FBXL2: variants seen among roughly 807,000 people sequenced by gnomAD.
FBXL2 encodes the protein F-box/LRR-repeat protein 2.
FBXL2 carries 38 observed loss-of-function variants against 69.2 expected under a neutral mutation model. That is an observed-to-expected ratio of 0.55 (90% CI 0.42 to 0.72). The LOEUF (loss-of-function observed/expected upper bound fraction) is 0.72, where lower values mean the gene tolerates loss of function less well. Ranked by LOEUF, FBXL2 falls within the 30% of genes least tolerant of loss-of-function variation. The probability of loss-of-function intolerance (pLI) is 0.00; values close to 1 mark genes in which losing one functional copy is unlikely to be tolerated. For synonymous variants in FBXL2, 192 were observed against 201.3 expected, an observed-to-expected ratio of 0.95 and a Z score of 0.39; for missense variants, 354 against 520.3, an observed-to-expected ratio of 0.68 and a Z score of 3.11.
chr3:33,389,004 G>T (rs1009430232), downstream of FBXL2: 33 of 152,042 alleles, frequency 2.2e-4, no homozygotes, highest in African/African-American at 7.7e-4. Context: ...TGGAATAGAA[G>T]TTAAAAAAAA....
intron 2 of FBXL2, among the ~76,000 whole-genome samples, chr3:33,318,802 C>T (rs1217122721): frequency 6.6e-6 from 1 of 152,176 alleles, no homozygotes; most frequent in Non-Finnish European, 1.5e-5. Context: ...GCAGGGCAAT[C>T]CTCCTCTCTG....
chr3:33,371,155 T>C (rs2042275871), intron 5 of FBXL2, among the ~76,000 whole-genome samples: 1 of 149,388 alleles, frequency 6.7e-6, no homozygotes, highest in Admixed American at 7.0e-5. Context: ...ATATCAGCCA[T>C]TGTGGTTTTC....
At chr3:33,378,059 C>T in intron 11 of FBXL2, 44 bp from the exon 12 acceptor site, 1 of 1,598,300 alleles carries the variant, frequency 6.3e-7, no homozygotes. Flanking sequence ...TTGTTGCTGT[C>T]ACCACTGACT....
intron 2 of FBXL2, among the ~76,000 whole-genome samples, chr3:33,318,503 G>T (rs2037904541): frequency 6.6e-6 from 1 of 152,040 alleles, no homozygotes; most frequent in Admixed American, 6.6e-5. Flanking sequence ...TGCATTCTTT[G>T]TCTGCTGTCC....
At position 33,359,368 on chromosome 3, in the gene FBXL2, T is replaced by A; in HGVS notation, c.195+11T>A. 6.2e-7 allele frequency: 1 copy of A among 1,606,240 alleles called. No individual in the cohort carries two copies. Among genetic ancestry groups the A allele is most frequent in the Non-Finnish European group, 8.5e-7 (1 of 1,174,924 alleles). ...CAAACAGATGTAGAGGTAAGTTAGC[T>A]TTGGTTTAGACAAAAAACTTTTTAA... On this transcript the variant is annotated intron_variant, in intron 4 of 14. Transcript: ENST00000484457.
chr3:33,412,658 A>C, the FBXL2 span: 1 of 1,076,810 alleles, frequency 9.3e-7, no homozygotes, highest in Non-Finnish European at 1.4e-6. Flanking sequence ...TGCCAACACA[A>C]CACATTACTG....
At chr3:33,343,705 T>A (rs917642945) in intron 2 of FBXL2, among the ~76,000 whole-genome samples, 5 of 152,100 alleles carry the variant, frequency 3.3e-5, no homozygotes, top group African/African-American at 7.2e-5. Context: ...TTCCAGTTTT[T>A]AAAAAATTTT....
At position 33,321,093 on chromosome 3, in the gene FBXL2, T is replaced by C. The variant is rs1454054641; in HGVS notation, c.65+23368T>C. 4.6e-5 allele frequency among the ~76,000 whole-genome samples: 7 copies of C among 152,010 alleles called. No homozygotes were observed. The East Asian group carries it at 1.4e-3, about 30-fold the overall frequency. Reference sequence around the variant, plus strand: ...GGGAGGCCGAGGCAGATGGATTGCTTGAGGTCAGGAGTTCAAGACCAGCCT... The same window carrying C: ...GGGAGGCCGAGGCAGATGGATTGCTCGAGGTCAGGAGTTCAAGACCAGCCT... On this transcript the variant is annotated intron_variant, in intron 2 of 14. Transcript: ENST00000484457.
At chr3:33,332,818 T>A (rs2039271369) in intron 2 of FBXL2, among the ~76,000 whole-genome samples, 1 of 152,210 alleles carries the variant, frequency 6.6e-6, no homozygotes, top group African/African-American at 2.4e-5. Context: ...AGTATTATAA[T>A]CTAGGATCAC....
intron 12 of FBXL2, chr3:33,397,116 C>T: frequency 6.3e-7 from 1 of 1,597,384 alleles, no homozygotes; most frequent in Non-Finnish European, 8.5e-7. Context: ...CCTCCTTTGT[C>T]AGTTTTAATA....
chr3:33,405,081 T>C (rs1377477757), downstream of FBXL2, among the ~76,000 whole-genome samples: 1 of 152,210 alleles, frequency 6.6e-6, no homozygotes, highest in East Asian at 1.9e-4. Flanking sequence ...AAAAATTAAA[T>C]TTCAATTTAT....
chr3:33,422,542 G>C, the FBXL2 span, among the ~76,000 whole-genome samples: 2 of 151,996 alleles, frequency 1.3e-5, no homozygotes, highest in Non-Finnish European at 2.9e-5. Context: ...TGAATAGTGA[G>C]ATCCGCCATC....
At chr3:33,322,944 C>T (rs2038363942) in intron 2 of FBXL2, among the ~76,000 whole-genome samples, 1 of 152,146 alleles carries the variant, frequency 6.6e-6, no homozygotes, top group Non-Finnish European at 1.5e-5. Context: ...TGCTGTATCT[C>T]CCTTTGCTGT....
chr3:33,406,842 T>C (rs754705546), downstream of FBXL2, among the ~76,000 whole-genome samples: 1 of 152,216 alleles, frequency 6.6e-6, no homozygotes, highest in Non-Finnish European at 1.5e-5. Flanking sequence ...GAGCCAATCA[T>C]ATACAGCTCA....
intron 2 of FBXL2, among the ~76,000 whole-genome samples, chr3:33,314,920 T>C (rs2125774962): frequency 6.6e-6 from 1 of 152,356 alleles, no homozygotes; most frequent in African/African-American, 2.4e-5. Context: ...CAAGTACCCT[T>C]GTCTGAATTA....
intron 2 of FBXL2, among the ~76,000 whole-genome samples, chr3:33,328,372 A>G (rs1351620413): frequency 6.6e-6 from 1 of 152,214 alleles, no homozygotes; most frequent in Non-Finnish European, 1.5e-5. Flanking sequence ...ATGGACCCAC[A>G]AAAGACTCCA....
intron 1 of FBXL2, among the ~76,000 whole-genome samples, chr3:33,296,727 C>T (rs965333077): frequency 6.6e-6 from 1 of 152,112 alleles, no homozygotes. Context: ...TTTAGATTAT[C>T]TGTTCTGTTC....
At chr3:33,333,805 G>A (rs986605233) in intron 2 of FBXL2, among the ~76,000 whole-genome samples, 7 of 152,242 alleles carry the variant, frequency 4.6e-5, no homozygotes, top group South Asian at 2.1e-4. Context: ...GAGAGAAATC[G>A]TCTAGTTCTT....
intron 2 of FBXL2, among the ~76,000 whole-genome samples, chr3:33,318,328 A>G (rs915399293): frequency 6.6e-6 from 1 of 152,176 alleles, no homozygotes; most frequent in African/African-American, 2.4e-5. Flanking sequence ...TGACTTTTCT[A>G]ACAATCTGAG....
Sources: allele counts gnomAD v4.1 joint callset (sites outside exome capture counted in the v4.1 genomes callset), GRCh38; gene constraint gnomAD v4.1.1; transcripts MANE v1.5; gene names NCBI Gene and HGNC (gene_info 2026-07-23, HGNC 2026-07-21).